The following CNTLN variants were observed in gnomAD, a reference collection of about 807,000 sequenced individuals.
CNTLN encodes centlein, centrosomal protein.
CNTLN carries 212 observed loss-of-function variants against 180.0 expected under a neutral mutation model. The ratio of observed to expected loss-of-function variants is 1.18; its 90% CI spans 1.05 to 1.32. The LOEUF is 1.32. Among genes scored for constraint, CNTLN ranks in the 40% most tolerant of loss-of-function variants. CNTLN has a pLI of 0.00. For synonymous variants in CNTLN, 722 were observed against 563.1 expected (o/e 1.28, Z -3.99); for missense variants, 2,095 against 1,610.9 (o/e 1.30, Z -5.14).
rs560913302 is a variant in CNTLN at position 17,219,672 on chromosome 9, G to T, written c.450-6531G>T. On this transcript the variant is annotated intron_variant, in intron 2 of 25. Coordinates refer to ENST00000380647, the MANE Select transcript of CNTLN (RefSeq NM_017738.4). ...CTGGGAAGTGTGTTATTGTTATTTT[G>T]GTGACTCTCACACTTTAGTGTGCAT... Among the ~76,000 whole-genome samples the T allele has an allele frequency of 5.3e-5, 8 of 151,774 alleles. No homozygotes were observed. In the East Asian group the frequency reaches 1.6e-3, roughly 30 times the overall value.
In CNTLN at chr9:17,377,899, A is replaced by G. The variant is rs191542173; in HGVS notation, c.1988-10263A>G. Among the ~76,000 whole-genome samples, 468 of 152,328 alleles carry G rather than the reference A, an allele frequency of 3.1e-3. 4 individuals carry two copies. Among genetic ancestry groups the G allele is most frequent in the Middle Eastern group, 0.01 (3 of 294 alleles). On this transcript the variant is annotated intron_variant, in intron 13 of 25. Transcript: ENST00000380647. The stretch of plus-strand genomic sequence containing the variant: ...TCAAAAACTTAAATAGAATATGTCA[A>G]TATAATTTGTTCTAGATCACATATT...
chr9:17,399,708 A>G (rs1194344027), intron 15 of CNTLN, among the ~76,000 whole-genome samples: 1 of 152,198 alleles, frequency 6.6e-6, no homozygotes, highest in African/African-American at 2.4e-5. Flanking sequence ...AGTTGAAGGA[A>G]TTTGAAAAAT....
chr9:17,256,201 G>A (rs879757021), intron 5 of CNTLN, among the ~76,000 whole-genome samples: 1 of 151,818 alleles, frequency 6.6e-6, no homozygotes, highest in African/African-American at 2.4e-5. Context: ...CTATTCTGTT[G>A]TGATGCATAT....
chr9:17,312,345 A>T (rs1008142091), intron 8 of CNTLN, among the ~76,000 whole-genome samples: 291 of 14,614 alleles, frequency 0.02, 5 homozygotes, highest in African/African-American at 0.038. Flanking sequence ...TACTGTATTT[A>T]TATATATATA....
At chr9:17,489,544 C>T (rs531336454) in intron 25 of CNTLN, among the ~76,000 whole-genome samples, 1 of 151,714 alleles carries the variant, frequency 6.6e-6, no homozygotes, top group Non-Finnish European at 1.5e-5. Context: ...TTTGATTGGG[C>T]CACAGAATTG....
chr9:17,376,598 C>T (rs1348719681), intron 13 of CNTLN, among the ~76,000 whole-genome samples: 1 of 151,948 alleles, frequency 6.6e-6, no homozygotes, highest in African/African-American at 2.4e-5. Context: ...ACTGCAGGCG[C>T]CCACCACCTT....
chr9:17,390,443 C>T (rs530219437), intron 14 of CNTLN, among the ~76,000 whole-genome samples: 28 of 151,848 alleles, frequency 1.8e-4, no homozygotes, highest in Admixed American at 3.3e-4. Context: ...TTCATTTCAC[C>T]ATGTTGGCCA....
chr9:17,457,402 A>G (rs536807214), intron 18 of CNTLN, 122 bp from the exon 19 acceptor site: 81 of 543,856 alleles, frequency 1.5e-4, no homozygotes, highest in Non-Finnish European at 2.1e-4. Context: ...TATAATAACT[A>G]TAATTAATTT....
At chr9:17,137,662 T>A (rs921338297) in intron 1 of CNTLN, among the ~76,000 whole-genome samples, 2 of 152,208 alleles carry the variant, frequency 1.3e-5, no homozygotes, top group African/African-American at 4.8e-5. Context: ...ACATACAGTT[T>A]AGGAAAAAGA....
chr9:17,284,227 T>G (rs1251982785), intron 6 of CNTLN, among the ~76,000 whole-genome samples: 1 of 152,140 alleles, frequency 6.6e-6, no homozygotes, highest in African/African-American at 2.4e-5. Flanking sequence ...GATATTGGCC[T>G]GAAGTTTTTA....
intron 5 of CNTLN, among the ~76,000 whole-genome samples, chr9:17,255,355 C>T (rs1176005034): frequency 6.6e-6 from 1 of 151,626 alleles, no homozygotes; most frequent in African/African-American, 2.4e-5. Context: ...GTTGAAGTAG[C>T]TTCCTTCTAT....
At position 17,298,095 on chromosome 9, in the gene CNTLN, A is replaced by G. The variant is rs553820922; in HGVS notation, c.984-95A>G. The stretch of plus-strand genomic sequence containing the variant: ...CTGCAGTACAAATAACAGATGCAAA[A>G]CAGGATGCCAATCTGTAACCTTAGA... On this transcript the variant is annotated intron_variant, in intron 6 of 25. Coordinates refer to ENST00000380647, the MANE Select transcript of CNTLN (RefSeq NM_017738.4). The G allele has an allele frequency of 1.1e-5, 12 of 1,067,806 alleles. No homozygotes were observed. The African/African-American group carries it at 1.5e-4, about 13-fold the overall frequency. The allele number at this position is 1,067,806 out of a possible 1,614,324, so 66.1% of individuals were successfully genotyped here. A position where few individuals can be genotyped will look rare whatever the true frequency, so the allele number is the denominator to read the frequency against.
At chr9:17,302,385 G>T (rs1587582272) in intron 7 of CNTLN, among the ~76,000 whole-genome samples, 1 of 151,992 alleles carries the variant, frequency 6.6e-6, no homozygotes, top group Non-Finnish European at 1.5e-5. Context: ...TTTCGATAGA[G>T]ACTGAGTTTC....
intron 25 of CNTLN, among the ~76,000 whole-genome samples, chr9:17,502,297 G>C (rs773939786): frequency 6.6e-6 from 1 of 152,148 alleles, no homozygotes; most frequent in South Asian, 2.1e-4. Context: ...CATTAACATG[G>C]TCAGTAAACC....
the CNTLN span, among the ~76,000 whole-genome samples, chr9:17,522,266 G>C: frequency 2.0e-5 from 3 of 151,870 alleles, no homozygotes; most frequent in Admixed American, 6.6e-5. Context: ...CAATTTAGGT[G>C]CGTAATGGGA....
intron 14 of CNTLN, among the ~76,000 whole-genome samples, chr9:17,393,312 C>A (rs895904392): frequency 1.3e-4 from 20 of 152,170 alleles, no homozygotes; most frequent in African/African-American, 4.6e-4. Flanking sequence ...AGTATTCAGA[C>A]CATCGGAGTT....
intron 10 of CNTLN, among the ~76,000 whole-genome samples, chr9:17,335,505 G>A (rs899794739): frequency 3.9e-5 from 6 of 152,130 alleles, no homozygotes; most frequent in African/African-American, 1.4e-4. Flanking sequence ...GACAGAGTGA[G>A]ACTGTGTTTC....
chr9:17,273,334 T>C (rs1457841430), intron 5 of CNTLN, among the ~76,000 whole-genome samples: 1 of 152,178 alleles, frequency 6.6e-6, no homozygotes, highest in African/African-American at 2.4e-5. Flanking sequence ...TTGAAATGTA[T>C]CTGTGTATTT....
intron 7 of CNTLN, chr9:17,300,846 G>A (rs1169341791): frequency 3.3e-6 from 1 of 299,030 alleles, no homozygotes; most frequent in Non-Finnish European, 4.9e-6. Flanking sequence ...AACATAACAG[G>A]TATTTAACCT....
Sources: allele counts gnomAD v4.1 joint callset (sites outside exome capture counted in the v4.1 genomes callset), GRCh38; gene constraint gnomAD v4.1.1; transcripts MANE v1.5; gene names NCBI Gene and HGNC (gene_info 2026-07-23, HGNC 2026-07-21).